The following ANAPC10 variants were observed in gnomAD, a reference collection of about 807,000 sequenced individuals.
ANAPC10 encodes the protein anaphase-promoting complex subunit 10.
A neutral mutation model predicts 22.0 loss-of-function variants in ANAPC10; 12 were observed. The observed-to-expected ratio is 0.55, with a 90% CI of 0.35 to 0.88. ANAPC10 has a LOEUF of 0.88. Ranked by LOEUF, ANAPC10 falls within the 40% of genes least tolerant of loss-of-function variation. ANAPC10 has a pLI of 0.01. For synonymous variants in ANAPC10, 65 were observed against 69.5 expected (o/e 0.94, Z 0.32); for missense variants, 188 against 220.9 (o/e 0.85, Z 0.94).
At chr4:145,090,575 G>C (rs925210246) in intron 2 of ANAPC10, among the ~76,000 whole-genome samples, 1 of 152,192 alleles carries the variant, frequency 6.6e-6, no homozygotes, top group Non-Finnish European at 1.5e-5. Context: ...TTGTGTAATG[G>C]AGTCTGTCTT....
chr4:145,049,333 C>A (rs1292071277), intron 4 of ANAPC10, among the ~76,000 whole-genome samples: 2 of 152,170 alleles, frequency 1.3e-5, no homozygotes, highest in African/African-American at 4.8e-5. Flanking sequence ...GAAAAATATT[C>A]TCTGTAGCAT....
chr4:145,066,152 A>G (rs1190969391), intron 3 of ANAPC10, among the ~76,000 whole-genome samples: 1 of 152,180 alleles, frequency 6.6e-6, no homozygotes, highest in Non-Finnish European at 1.5e-5. Context: ...GGGGCTCTGT[A>G]GCTCTTAGTA....
intron 4 of ANAPC10, among the ~76,000 whole-genome samples, chr4:145,015,281 A>T (rs1734935899): frequency 6.6e-6 from 1 of 152,040 alleles, no homozygotes; most frequent in Non-Finnish European, 1.5e-5. Flanking sequence ...ATACTTATAG[A>T]AATGCAAAAT....
intron 4 of ANAPC10, among the ~76,000 whole-genome samples, chr4:145,054,604 A>AGTGTGTGTGTGT (rs70956823): frequency 3.1e-5 from 4 of 128,290 alleles, no homozygotes; most frequent in African/African-American, 9.0e-5. Context: ...CATACTGAAT[A>AGTGTGTGTGTGT]GTGTGTGTGT....
At chr4:145,025,665 A>G (rs1736556766) in intron 4 of ANAPC10, among the ~76,000 whole-genome samples, 2 of 152,206 alleles carry the variant, frequency 1.3e-5, no homozygotes, top group Admixed American at 1.3e-4. Flanking sequence ...AATATTGGTG[A>G]AAAAGTTTGA....
chr4:145,027,988 G>C (rs986184758), intron 4 of ANAPC10, among the ~76,000 whole-genome samples: 1 of 152,206 alleles, frequency 6.6e-6, no homozygotes, highest in African/African-American at 2.4e-5. Flanking sequence ...CTGAGAAGCA[G>C]ACACCAAGAC....
At chr4:145,057,314 A>C (rs1294010019) in intron 4 of ANAPC10, among the ~76,000 whole-genome samples, 2 of 152,204 alleles carry the variant, frequency 1.3e-5, no homozygotes, top group Non-Finnish European at 2.9e-5. Context: ...CATTAAGTAA[A>C]CTGCCTATTA....
intron 4 of ANAPC10, among the ~76,000 whole-genome samples, chr4:145,049,439 T>C (rs1579033518): frequency 6.6e-6 from 1 of 152,244 alleles, no homozygotes; most frequent in African/African-American, 2.4e-5. Context: ...ATATTCTAAA[T>C]TCTTTGTTGT....
Position 144,995,199 on chromosome 4 carries a change from A to C in ANAPC10, c.*174T>G. 2.4e-6 allele frequency: 1 copy of C among 419,660 alleles called. No homozygotes were observed. The highest frequency in any genetic ancestry group is 3.6e-5 in the East Asian group (1 of 27,474). 26.0% of individuals were successfully genotyped at this position (419,660 alleles called of 1,614,324 possible). A position where few individuals can be genotyped will look rare whatever the true frequency, so the allele number is the denominator to read the frequency against. ...ATATGTGAGCTTTATTACATGTTAA[A>C]GAAAATAAAGATAATATGACCCCAA... On this transcript the variant is annotated 3_prime_UTR_variant, in exon 5 of 5. Transcript: ENST00000507656.
intron 2 of ANAPC10, among the ~76,000 whole-genome samples, chr4:145,085,950 A>G (rs561609744): frequency 1.2e-4 from 18 of 150,210 alleles, no homozygotes; most frequent in Non-Finnish European, 2.4e-4. Context: ...TGCAACCTCC[A>G]CCTCCTGGGT....
At chr4:145,093,779 A>G (rs536904493) in intron 2 of ANAPC10, among the ~76,000 whole-genome samples, 2 of 152,302 alleles carry the variant, frequency 1.3e-5, no homozygotes, top group Admixed American at 1.3e-4. Flanking sequence ...GAAAAATACC[A>G]GAATTGAAAC....
rs142882506 is a variant in ANAPC10, at chr4:145,024,285, T to C, written c.328-28682A>G. 4.4e-3 allele frequency among the ~76,000 whole-genome samples: 666 copies of C among 152,312 alleles called. 3 individuals are homozygous for C. Among genetic ancestry groups the C allele is most frequent in the African/African-American group, 0.015 (613 of 41,584 alleles). ...AACTTCTTCCAAACTCTTGTTAATG[T>C]TCGTATTTTGACCTTCTCACATGAA... On this transcript the variant is annotated intron_variant, in intron 4 of 4. Coordinates refer to ENST00000507656, the MANE Select transcript of ANAPC10 (RefSeq NM_001256706.2).
chr4:145,034,034 T>A (rs573635340), intron 4 of ANAPC10, among the ~76,000 whole-genome samples: 3 of 152,216 alleles, frequency 2.0e-5, no homozygotes, highest in Non-Finnish European at 4.4e-5. Flanking sequence ...GTACGAAGGA[T>A]AGTTGTATTA....
chr4:145,080,562 C>T (rs2126585218), intron 3 of ANAPC10, among the ~76,000 whole-genome samples: 1 of 152,196 alleles, frequency 6.6e-6, no homozygotes, highest in Non-Finnish European at 1.5e-5. Flanking sequence ...CTGATTTGTA[C>T]TCTAGGACAA....
intron 4 of ANAPC10, among the ~76,000 whole-genome samples, chr4:145,027,585 T>C (rs35172130): frequency 0.24 from 36,427 of 152,022 alleles, 5,439 homozygotes; most frequent in East Asian, 0.45. Flanking sequence ...ATTTTCAGAA[T>C]ATCAAGGATA....
chr4:145,001,237 A>C (rs1250828680), intron 4 of ANAPC10, among the ~76,000 whole-genome samples: 1 of 94,780 alleles, frequency 1.1e-5, no homozygotes, highest in African/African-American at 4.2e-5. Flanking sequence ...GGAAGGAGGG[A>C]GTGAGGGAGG....
intron 3 of ANAPC10, among the ~76,000 whole-genome samples, chr4:145,072,538 A>G (rs1384245682): frequency 1.3e-5 from 2 of 152,236 alleles, no homozygotes; most frequent in Admixed American, 6.5e-5. Flanking sequence ...CCATTAGTAC[A>G]TAATGTTTTC....
chr4:145,015,713 T>C (rs1183312989), intron 4 of ANAPC10, among the ~76,000 whole-genome samples: 1 of 152,088 alleles, frequency 6.6e-6, no homozygotes, highest in Non-Finnish European at 1.5e-5. Context: ...CCTATAAAGG[T>C]AAACCTATTA....
In ANAPC10 at chr4:145,081,804, T is replaced by G; in HGVS notation, c.116-54A>C. On this transcript the variant is annotated intron_variant, in intron 2 of 4. Transcript: ENST00000507656. ...CCTGTGAAAAAGAAACAACTATACA[T>G]GCAAAACATAAAATTAACATATGTA... 6 of 1,199,164 alleles carry G rather than the reference T, an allele frequency of 5.0e-6. No individual in the cohort carries two copies. In the Admixed American group the frequency reaches 1.2e-4, roughly 23 times the overall value. 74.3% of individuals were successfully genotyped at this position (1,199,164 alleles called of 1,614,324 possible). A position where few individuals can be genotyped will look rare whatever the true frequency, so the allele number is the denominator to read the frequency against.
Sources: gnomAD v4.1 joint callset for allele counts (sites outside exome capture counted in the v4.1 genomes callset) on GRCh38, gnomAD v4.1.1 for gene constraint, MANE v1.5 for transcripts, NCBI Gene and HGNC (gene_info 2026-07-23, HGNC 2026-07-21) for gene names.